The following STXBP4 variants were observed in gnomAD, a reference collection of about 807,000 sequenced individuals.
The protein encoded by STXBP4 is syntaxin-binding protein 4.
In STXBP4, 55 loss-of-function variants were observed where a neutral mutation model predicts 76.1. That is an observed-to-expected ratio of 0.72 (90% CI 0.58 to 0.91). The LOEUF (loss-of-function observed/expected upper bound fraction) is 0.91. STXBP4 is among the 40% of genes least tolerant of loss of function. STXBP4 has a pLI of 0.00. For missense variants in STXBP4, 618 were observed against 636.9 expected (o/e 0.97, Z 0.32); for synonymous variants, 201 against 220.2 (o/e 0.91, Z 0.77).
intron 12 of STXBP4, among the ~76,000 whole-genome samples, chr17:55,052,460 A>G (rs1166491123): frequency 6.6e-6 from 1 of 152,152 alleles, no homozygotes; most frequent in Non-Finnish European, 1.5e-5. Flanking sequence ...CTATAGTAGG[A>G]TGTTGAATAC....
At chr17:54,971,456 A>G (rs2077399653) in intron 1 of STXBP4, among the ~76,000 whole-genome samples, 1 of 152,204 alleles carries the variant, frequency 6.6e-6, no homozygotes. Context: ...ATTGGAGTAA[A>G]TGAGCTCTTA....
the STXBP4 span, among the ~76,000 whole-genome samples, chr17:55,200,341 G>A: frequency 1.3e-5 from 2 of 152,166 alleles, no homozygotes; most frequent in African/African-American, 2.4e-5. Context: ...CTCAGTCACA[G>A]CTAATGAAAC....
At chr17:55,122,053 T>C (rs1394704824) in intron 16 of STXBP4, among the ~76,000 whole-genome samples, 2 of 152,192 alleles carry the variant, frequency 1.3e-5, no homozygotes, top group African/African-American at 2.4e-5. Flanking sequence ...GGGTTATCTG[T>C]CATTTTTACC....
At chr17:55,185,239 T>TCTCCTTCTC in the STXBP4 span, among the ~76,000 whole-genome samples, 1 of 46,302 alleles carries the variant, frequency 2.2e-5, no homozygotes, top group Non-Finnish European at 4.3e-5. Context: ...TTCTTCTTCT[T>TCTCCTTCTC]CTTCTTCTTC....
chr17:55,150,204 C>G (rs966710206), intron 17 of STXBP4, among the ~76,000 whole-genome samples: 9 of 152,150 alleles, frequency 5.9e-5, no homozygotes, highest in African/African-American at 1.9e-4. Context: ...AACAAACCAC[C>G]ACAGACATGG....
intron 12 of STXBP4, among the ~76,000 whole-genome samples, chr17:55,059,342 T>C (rs2144813758): frequency 6.6e-6 from 1 of 152,284 alleles, no homozygotes; most frequent in African/African-American, 2.4e-5. Context: ...CGTGTTTATG[T>C]ATACTACTCA....
chr17:55,176,753 C>T (rs903320004), downstream of STXBP4, among the ~76,000 whole-genome samples: 1 of 152,200 alleles, frequency 6.6e-6, no homozygotes, highest in African/African-American at 2.4e-5. Context: ...GATCTGCCCT[C>T]AGCAATGTGG....
At chr17:55,082,687 CT>C (rs1187082906) in intron 16 of STXBP4, among the ~76,000 whole-genome samples, 1 of 152,012 alleles carries the variant, frequency 6.6e-6, no homozygotes, top group Non-Finnish European at 1.5e-5. Flanking sequence ...AAAATGCCCC[CT>C]AGGTGCAATA....
chr17:55,151,354 T>C (rs1217309685), intron 17 of STXBP4, among the ~76,000 whole-genome samples: 4 of 152,186 alleles, frequency 2.6e-5, no homozygotes, highest in African/African-American at 9.7e-5. Flanking sequence ...CTGTGAGATT[T>C]ATATGAAAAG....
intron 12 of STXBP4, among the ~76,000 whole-genome samples, chr17:55,056,270 T>C (rs2078922169): frequency 1.3e-5 from 2 of 152,164 alleles, no homozygotes; most frequent in South Asian, 4.1e-4. Context: ...TTATGAGATA[T>C]TTTTACTTTT....
chr17:55,100,833 G>T (rs1051659743), intron 16 of STXBP4, among the ~76,000 whole-genome samples: 15 of 152,194 alleles, frequency 9.9e-5, no homozygotes, highest in Admixed American at 7.9e-4. Context: ...TATTGCATGA[G>T]ATTTTAGTGC....
intron 12 of STXBP4, among the ~76,000 whole-genome samples, chr17:55,059,912 G>A (rs1298743528): frequency 6.6e-6 from 1 of 152,060 alleles, no homozygotes; most frequent in East Asian, 1.9e-4. Context: ...CAGTAATAAG[G>A]AGAAACAACA....
intron 1 of STXBP4, among the ~76,000 whole-genome samples, chr17:54,978,142 T>C (rs1335449740): frequency 6.6e-6 from 1 of 152,156 alleles, no homozygotes; most frequent in Non-Finnish European, 1.5e-5. Flanking sequence ...ATTGGGAGAC[T>C]TGTAGTTTAA....
intron 12 of STXBP4, among the ~76,000 whole-genome samples, chr17:55,057,904 A>G (rs1598273647): frequency 6.6e-6 from 1 of 152,206 alleles, no homozygotes; most frequent in Non-Finnish European, 1.5e-5. Context: ...TTATGGCTGC[A>G]TAGAATTCCA....
At chr17:54,981,472 A>G (rs2077550145) in intron 1 of STXBP4, among the ~76,000 whole-genome samples, 1 of 152,146 alleles carries the variant, frequency 6.6e-6, no homozygotes, top group Admixed American at 6.6e-5. Flanking sequence ...GTATCTCAAA[A>G]TGGTGGGGAA....
chr17:55,090,573 C>G, intron 16 of STXBP4, among the ~76,000 whole-genome samples: 1 of 152,048 alleles, frequency 6.6e-6, no homozygotes, highest in East Asian at 1.9e-4. Context: ...GTAGAGAGCT[C>G]TCTAAATTCA....
intron 7 of STXBP4, among the ~76,000 whole-genome samples, chr17:55,002,178 G>A (rs2077932160): frequency 6.6e-6 from 1 of 152,122 alleles, no homozygotes; most frequent in African/African-American, 2.4e-5. Context: ...AAATGAAACA[G>A]TCATGAGATG....
chr17:55,187,640 G>T, the STXBP4 span, among the ~76,000 whole-genome samples: 1 of 152,128 alleles, frequency 6.6e-6, no homozygotes, highest in Non-Finnish European at 1.5e-5. Context: ...AAGGTTGTGA[G>T]GCTGTAATGA....
chr17:55,039,312 A>C (rs1022368417), intron 10 of STXBP4, among the ~76,000 whole-genome samples: 15 of 151,386 alleles, frequency 9.9e-5, no homozygotes, highest in African/African-American at 3.4e-4. Flanking sequence ...TAAACAAAAA[A>C]ATTAGAACGT....
Sources: gnomAD v4.1 joint callset for allele counts (sites outside exome capture counted in the v4.1 genomes callset) on GRCh38, gnomAD v4.1.1 for gene constraint, MANE v1.5 for transcripts, NCBI Gene and HGNC (gene_info 2026-07-23, HGNC 2026-07-21) for gene names.